GPATCH8: variants seen among roughly 807,000 people sequenced by gnomAD.
GPATCH8 encodes the protein G-patch domain containing 8.
Under a neutral mutation model 118.3 loss-of-function variants are expected in GPATCH8, and 18 were observed. That is an observed-to-expected ratio of 0.15 (90% confidence interval 0.11 to 0.23). The LOEUF is 0.23. Ranked by LOEUF, GPATCH8 falls within the 10% of genes least tolerant of loss-of-function variation. The pLI, the probability that GPATCH8 is intolerant of heterozygous loss-of-function variation, is 1.00. For synonymous variants in GPATCH8, 659 were observed against 684.7 expected, an observed-to-expected ratio of 0.96 and a Z score of 0.59; for missense variants, 1,631 against 1,873.8, an observed-to-expected ratio of 0.87 and a Z score of 2.39.
chr17:44,451,039 T>C (rs2051093745), intron 3 of GPATCH8, among the ~76,000 whole-genome samples: 1 of 152,218 alleles, frequency 6.6e-6, no homozygotes, highest in Non-Finnish European at 1.5e-5. Flanking sequence ...TTTGTTTCCC[T>C]ATTAGAAATA....
rs576954462 is a variant in GPATCH8 at position 44,471,500 on chromosome 17, T to C, written c.120+3329A>G. ...ACCAGCTGCTGCAGATTACCTTTGG[T>C]TAAAAAAAAATGACTAGACCTTTAG... is the stretch of plus-strand genomic sequence containing the variant. On this transcript the variant is annotated intron_variant, in intron 2 of 7. Coordinates refer to ENST00000591680, the MANE Select transcript of GPATCH8 (RefSeq NM_001002909.4). 2.0e-5 allele frequency among the ~76,000 whole-genome samples: 3 copies of C among 152,150 alleles called. No individual in the cohort carries two copies. In the East Asian group the frequency reaches 5.8e-4, roughly 29 times the overall value.
chr17:44,453,528 T>TGTGTGTGTGTGTGTGTGC (rs1482667373), intron 3 of GPATCH8, among the ~76,000 whole-genome samples: 1 of 150,690 alleles, frequency 6.6e-6, no homozygotes, highest in Non-Finnish European at 1.5e-5. Flanking sequence ...TGTGTGTGTG[T>TGTGTGTGTGTGTGTGTGC]GTGCAGGCGC....
chr17:44,405,851 T>C (rs1409262001), intron 7 of GPATCH8, 70 bp downstream of exon 7: 2 of 1,149,754 alleles, frequency 1.7e-6, no homozygotes, highest in Non-Finnish European at 2.6e-6. Flanking sequence ...AATTATAATC[T>C]GAAATCTATA....
At chr17:44,453,552 T>C (rs895598780) in intron 3 of GPATCH8, among the ~76,000 whole-genome samples, 9 of 133,308 alleles carry the variant, frequency 6.8e-5, no homozygotes, top group African/African-American at 1.9e-4. Flanking sequence ...TTTTGAGACA[T>C]GCTCTCACTG....
At chr17:44,467,123 A>G in intron 2 of GPATCH8, 2 of 1,247,590 alleles carry the variant, frequency 1.6e-6, no homozygotes, top group Non-Finnish European at 2.1e-6. Context: ...GGCTGTCAAA[A>G]GAACAGTTAA....
chr17:44,428,071 C>G (rs537522408), intron 5 of GPATCH8, among the ~76,000 whole-genome samples: 1 of 151,998 alleles, frequency 6.6e-6, no homozygotes, highest in Non-Finnish European at 1.5e-5. Context: ...TACCTGAGCT[C>G]AAGAGTTTGA....
At chr17:44,414,056 G>T (rs2049555359) in intron 6 of GPATCH8, among the ~76,000 whole-genome samples, 1 of 96,160 alleles carries the variant, frequency 1.0e-5, no homozygotes, top group African/African-American at 3.9e-5. Context: ...CCTGCTTTAA[G>T]GCATATATAT....
chr17:44,419,598 T>C (rs2049817811), intron 6 of GPATCH8, among the ~76,000 whole-genome samples: 1 of 152,162 alleles, frequency 6.6e-6, no homozygotes, highest in African/African-American at 2.4e-5. Context: ...GCGATCCTCC[T>C]GGCTTAGCCT....
chr17:44,481,501 G>GA (rs1466364950), intron 1 of GPATCH8, among the ~76,000 whole-genome samples: 1 of 152,026 alleles, frequency 6.6e-6, no homozygotes, highest in Non-Finnish European at 1.5e-5. Context: ...GGACATTCTG[G>GA]AAAAAACAAA....
intron 2 of GPATCH8, chr17:44,473,395 A>G (rs146565377): frequency 1.3e-5 from 2 of 152,152 alleles, no homozygotes; most frequent in Admixed American, 6.6e-5. Flanking sequence ...CGGCCTCCCA[A>G]AGTGCTGGGA....
chr17:44,485,597 T>C (rs1221505234), intron 1 of GPATCH8, among the ~76,000 whole-genome samples: 1 of 152,112 alleles, frequency 6.6e-6, no homozygotes, highest in African/African-American at 2.4e-5. Flanking sequence ...CAGCCTCTAA[T>C]AAAGTTTTTA....
chr17:44,403,220 C>T (rs2049093888), intron 7 of GPATCH8, among the ~76,000 whole-genome samples: 1 of 152,094 alleles, frequency 6.6e-6, no homozygotes, highest in East Asian at 1.9e-4. Flanking sequence ...GGACTACAGG[C>T]ATGTACCACC....
rs761416780 is a variant in GPATCH8 at position 44,401,048 on chromosome 17, C to T, written c.1029G>A (p.Leu343=). The change falls in exon 8 of 8, where the codon CTG becomes CTA. Residue 343 remains leucine (L), a synonymous_variant. Transcript: ENST00000591680. ...TCCCATCAGAGTCTCCTACCTTCTG[C>T]AGTCCTTGGTCAGAACTCTTCTCAT... is the stretch of plus-strand genomic sequence containing the variant. ...KPDEKSSDQG[L]QKVGDSDGSS... The T allele has an allele frequency of 5.0e-6, 8 of 1,614,048 alleles. No homozygotes were observed. Among genetic ancestry groups the T allele is most frequent in the Non-Finnish European group, 6.8e-6 (8 of 1,180,018 alleles).
At chr17:44,426,270 G>C (rs1304981436) in intron 5 of GPATCH8, among the ~76,000 whole-genome samples, 1 of 152,210 alleles carries the variant, frequency 6.6e-6, no homozygotes, top group Admixed American at 6.5e-5. Context: ...AATGCACATA[G>C]AGAAAAGCAA....
chr17:44,483,538 C>T (rs2144425106), intron 1 of GPATCH8, among the ~76,000 whole-genome samples: 1 of 151,822 alleles, frequency 6.6e-6, no homozygotes, highest in African/African-American at 2.4e-5. Context: ...CGTGAGCCAC[C>T]GCGACTGGCC....
chr17:44,497,366 G>A (rs1017159057), intron 1 of GPATCH8, among the ~76,000 whole-genome samples: 3 of 152,080 alleles, frequency 2.0e-5, no homozygotes, highest in Non-Finnish European at 4.4e-5. Context: ...GAGGTGGGAG[G>A]ATAGCTTGAG....
chr17:44,470,319 T>G (rs1967177288), intron 2 of GPATCH8, among the ~76,000 whole-genome samples: 2 of 152,034 alleles, frequency 1.3e-5, no homozygotes, highest in African/African-American at 4.8e-5. Flanking sequence ...TGCCTCAGCC[T>G]CCTGAGTAGC....
rs374117333 is a variant in GPATCH8 at position 44,399,993 on chromosome 17, G to T, written c.2084C>A (p.Thr695Lys). 6.2e-7 allele frequency: 1 copy of T among 1,613,980 alleles called. No homozygotes were observed. The highest frequency in any genetic ancestry group is 1.7e-5 in the Admixed American group (1 of 60,008). Residue 695 changes from threonine (T) to lysine (K), a missense_variant, in exon 8 of 8, where the codon ACA becomes AAA. Around this residue, in one of 8 missense-constraint regions of GPATCH8, gnomAD observed 922 missense variants for 879.7 expected, o/e 1.05. Coordinates refer to ENST00000591680, the MANE Select transcript of GPATCH8 (RefSeq NM_001002909.4). ...CTCTGCCTTAGAGCTTTTCTCTTCT[G>T]TGTCAGCCTTGTGTTTACGTTTGTG... ...SKHKRKHKAD[T>K]EEKSSKAESG...
chr17:44,495,613 CAA>C (rs1476032891), intron 1 of GPATCH8, among the ~76,000 whole-genome samples: 1 of 152,188 alleles, frequency 6.6e-6, no homozygotes, highest in Admixed American at 6.5e-5. Flanking sequence ...AACCACTATT[CAA>C]ACACTGTTTT....
Sources: gnomAD v4.1 joint callset for allele counts (sites outside exome capture counted in the v4.1 genomes callset) on GRCh38, gnomAD v4.1.1 for gene constraint, gnomAD v4.1.1 regional missense constraint, MANE v1.5 for transcripts, NCBI Gene and HGNC (gene_info 2026-07-23, HGNC 2026-07-21) for gene names.